Variants in CSGALNACT1 observed in about 807,000 individuals in gnomAD.
CSGALNACT1 encodes the protein beta4GalNAcT-1.
A neutral mutation model predicts 51.0 loss-of-function variants in CSGALNACT1; 52 were observed. The observed-to-expected ratio is 1.02, with a 90% CI of 0.82 to 1.29. The LOEUF (loss-of-function observed/expected upper bound fraction) is 1.29. CSGALNACT1 is among the 50% of genes most tolerant of loss of function. The pLI, the probability that CSGALNACT1 is intolerant of heterozygous loss-of-function variation, is 0.00. For synonymous variants in CSGALNACT1, 341 were observed against 254.4 expected (o/e 1.34, Z -3.24); for missense variants, 935 against 679.2 (o/e 1.38, Z -4.19).
At chr8:19,691,862 C>T (rs2061341440) in intron 1 of CSGALNACT1, among the ~76,000 whole-genome samples, 1 of 152,056 alleles carries the variant, frequency 6.6e-6, no homozygotes, top group Non-Finnish European at 1.5e-5. Context: ...ACATCTCCAG[C>T]CCCCACCCAG....
At position 19,723,755 on chromosome 8, in the gene CSGALNACT1, A is replaced by G. The variant is rs77890396; in HGVS notation, c.-297+34095T>C. 8.8e-3 allele frequency among the ~76,000 whole-genome samples: 1,346 copies of G among 152,312 alleles called. 19 individuals carry two copies. The highest frequency in any genetic ancestry group is 0.03 in the African/African-American group (1,262 of 41,566). ...ATTGCACCATTTGATGGTACCGTACATGAGAAAATGCTAAAAACACTCTGG... is the reference window on the plus strand; with the variant it reads ...ATTGCACCATTTGATGGTACCGTACGTGAGAAAATGCTAAAAACACTCTGG... On this transcript the variant is annotated intron_variant, in intron 1 of 1. Coordinates refer to the CSGALNACT1 transcript ENST00000517494.
At chr8:19,428,955 A>G (rs550684847) in intron 6 of CSGALNACT1, among the ~76,000 whole-genome samples, 1 of 151,692 alleles carries the variant, frequency 6.6e-6, no homozygotes, top group South Asian at 2.1e-4. Context: ...TGTATAAATC[A>G]GTGTCATTTA....
upstream of CSGALNACT1, among the ~76,000 whole-genome samples, chr8:19,685,519 G>A (rs2060922984): frequency 6.6e-6 from 1 of 152,080 alleles, no homozygotes; most frequent in Non-Finnish European, 1.5e-5. Context: ...AATAAAACAA[G>A]AAAAAAATTA....
chr8:19,407,724 C>G (rs28722102), intron 9 of CSGALNACT1, among the ~76,000 whole-genome samples: 1 of 151,568 alleles, frequency 6.6e-6, no homozygotes, highest in Non-Finnish European at 1.5e-5. Context: ...TGCGCATGTG[C>G]ATATTTGTGT....
intron 1 of CSGALNACT1, among the ~76,000 whole-genome samples, chr8:19,681,721 T>A (rs769034937): frequency 2.9e-4 from 44 of 152,022 alleles, no homozygotes; most frequent in Admixed American, 2.4e-3. Context: ...CTCCCTCAAC[T>A]CCTCCCATCT....
chr8:19,750,748 G>A (rs555566334), intron 1 of CSGALNACT1, among the ~76,000 whole-genome samples: 1 of 152,292 alleles, frequency 6.6e-6, no homozygotes, highest in South Asian at 2.1e-4. Flanking sequence ...ATTCCCTGCA[G>A]TGTCTGGCAG....
intron 4 of CSGALNACT1, among the ~76,000 whole-genome samples, chr8:19,496,752 G>C (rs2075544964): frequency 6.6e-6 from 1 of 152,146 alleles, no homozygotes; most frequent in African/African-American, 2.4e-5. Context: ...TCAGCTAATG[G>C]TAAAAAGAAA....
At chr8:19,560,527 C>G (rs1351301927) in intron 3 of CSGALNACT1, among the ~76,000 whole-genome samples, 1 of 152,174 alleles carries the variant, frequency 6.6e-6, no homozygotes, top group Non-Finnish European at 1.5e-5. Flanking sequence ...CATAAGAATT[C>G]TGCAAACAAT....
At chr8:19,608,651 G>A (rs938147623) in intron 1 of CSGALNACT1, among the ~76,000 whole-genome samples, 1 of 152,174 alleles carries the variant, frequency 6.6e-6, no homozygotes, top group African/African-American at 2.4e-5. Flanking sequence ...CAGAACACAA[G>A]TTTGAGATGC....
chr8:19,425,890 C>G (rs2058701702), intron 6 of CSGALNACT1, among the ~76,000 whole-genome samples: 1 of 152,130 alleles, frequency 6.6e-6, no homozygotes, highest in Admixed American at 6.5e-5. Context: ...AGGCCCATGT[C>G]AAGAATCACC....
intron 1 of CSGALNACT1, among the ~76,000 whole-genome samples, chr8:19,658,895 A>G (rs13249725): frequency 6.6e-6 from 1 of 152,176 alleles, no homozygotes; most frequent in Non-Finnish European, 1.5e-5. Context: ...TATCTGGTAA[A>G]TCTTTCTAAG....
intron 4 of CSGALNACT1, among the ~76,000 whole-genome samples, chr8:19,476,842 G>A (rs1044263849): frequency 6.6e-6 from 1 of 152,150 alleles, no homozygotes. Flanking sequence ...ACATGTGAGT[G>A]AGCAAGCCTT....
intron 3 of CSGALNACT1, among the ~76,000 whole-genome samples, chr8:19,586,938 C>G (rs1316479450): frequency 6.6e-6 from 1 of 152,206 alleles, no homozygotes; most frequent in African/African-American, 2.4e-5. Flanking sequence ...TATCTCACAA[C>G]TCTAGTAATC....
chr8:19,747,912 G>C (rs1168781456), intron 1 of CSGALNACT1, among the ~76,000 whole-genome samples: 3 of 152,122 alleles, frequency 2.0e-5, no homozygotes, highest in African/African-American at 7.2e-5. Context: ...TGGGCCATAA[G>C]TTTAGTTAAA....
At chr8:19,527,228 C>T (rs2081897511) in intron 3 of CSGALNACT1, among the ~76,000 whole-genome samples, 1 of 152,158 alleles carries the variant, frequency 6.6e-6, no homozygotes, top group African/African-American at 2.4e-5. Flanking sequence ...TTCAACCTAA[C>T]CTCACGCATT....
chr8:19,617,249 G>C (rs2053156475), intron 1 of CSGALNACT1, among the ~76,000 whole-genome samples: 1 of 152,172 alleles, frequency 6.6e-6, no homozygotes, highest in African/African-American at 2.4e-5. Context: ...AAGTGATGGG[G>C]AGCGGCTGTA....
chr8:19,665,792 G>C (rs531599610), intron 1 of CSGALNACT1, among the ~76,000 whole-genome samples: 1 of 152,224 alleles, frequency 6.6e-6, no homozygotes, highest in South Asian at 2.1e-4. Context: ...AATTACACCT[G>C]GGATAATGAA....
chr8:19,503,327 G>C (rs894684559), intron 4 of CSGALNACT1, among the ~76,000 whole-genome samples: 1 of 152,216 alleles, frequency 6.6e-6, no homozygotes, highest in Non-Finnish European at 1.5e-5. Context: ...GGTCAGCCAA[G>C]CCTCAGAGCA....
chr8:19,629,020 G>C (rs888230522), intron 1 of CSGALNACT1, among the ~76,000 whole-genome samples: 1 of 152,124 alleles, frequency 6.6e-6, no homozygotes, highest in Non-Finnish European at 1.5e-5. Context: ...GGAGAAACTG[G>C]AGAGAGGGAA....
Sources: allele counts gnomAD v4.1 joint callset (sites outside exome capture counted in the v4.1 genomes callset), GRCh38; gene constraint gnomAD v4.1.1; transcripts MANE v1.5; gene names NCBI Gene and HGNC (gene_info 2026-07-23, HGNC 2026-07-21).